Variants in INTS2 observed in about 807,000 individuals in gnomAD.
INTS2 encodes integrator complex subunit 2.
Under a neutral mutation model 139.6 loss-of-function variants are expected in INTS2, and 57 were observed. The ratio of observed to expected loss-of-function variants is 0.41; its 90% CI spans 0.33 to 0.51. INTS2 has a LOEUF of 0.51. Ranked by LOEUF, INTS2 falls within the 20% of genes least tolerant of loss-of-function variation. INTS2 has a pLI of 0.28. For missense variants in INTS2, 1,196 were observed against 1,436.7 expected (o/e 0.83, Z 2.71); for synonymous variants, 473 against 493.4 (o/e 0.96, Z 0.55).
At chr17:61,896,956 T>G (rs192772424) in intron 11 of INTS2, among the ~76,000 whole-genome samples, 12 of 152,288 alleles carry the variant, frequency 7.9e-5, no homozygotes, top group Admixed American at 7.8e-4. Context: ...AAGAGATACA[T>G]GTGGGTGCCT....
chr17:61,911,695 T>C lies in INTS2; in HGVS notation c.781-2A>G. On this transcript the variant is annotated splice_acceptor_variant, in intron 6 of 24. Coordinates refer to ENST00000251334, the MANE Select transcript of INTS2 (RefSeq NM_001351695.2). LOFTEE classifies it high-confidence loss of function. ...GCCTGGCAAGTGACATTCTTCCACCTAGCACAGAAAAGAAAACAAACTGAA... is the reference window on the plus strand; with the variant it reads ...GCCTGGCAAGTGACATTCTTCCACCCAGCACAGAAAAGAAAACAAACTGAA... The C allele has an allele frequency of 6.2e-7, 1 of 1,609,782 alleles. No individual in the cohort carries two copies. The highest frequency in any genetic ancestry group is 8.5e-7 in the Non-Finnish European group (1 of 1,178,014).
chr17:61,889,627 T>C (rs2145924991), intron 15 of INTS2, among the ~76,000 whole-genome samples, 159 bp downstream of exon 15: 1 of 152,322 alleles, frequency 6.6e-6, no homozygotes, highest in East Asian at 1.9e-4. Flanking sequence ...ACATACATGA[T>C]TTATGTATCA....
chr17:61,914,505 C>T (rs2079557891), intron 5 of INTS2, among the ~76,000 whole-genome samples: 1 of 152,100 alleles, frequency 6.6e-6, no homozygotes, highest in African/African-American at 2.4e-5. Context: ...CCAGACCATC[C>T]TGGCTAACAC....
intron 8 of INTS2, among the ~76,000 whole-genome samples, chr17:61,905,962 G>A (rs1212309358): frequency 2.0e-5 from 3 of 152,194 alleles, no homozygotes; most frequent in Non-Finnish European, 4.4e-5. Flanking sequence ...CCCCCAAAGT[G>A]CTGGGATTAC....
chr17:61,926,723 T>C (rs2143201929), intron 1 of INTS2, 61 bp from the exon 2 acceptor site: 1 of 1,361,988 alleles, frequency 7.3e-7, no homozygotes, highest in Non-Finnish European at 1.0e-6. Context: ...AACACCCAAC[T>C]TTCTAAAAAC....
rs75617219 is a variant in INTS2 at position 61,871,819 on chromosome 17, A to G, written c.2778+446T>C. Among the ~76,000 whole-genome samples the G allele has an allele frequency of 2.2e-4, 34 of 152,242 alleles. No individual in the cohort carries two copies. The highest frequency in any genetic ancestry group is 3.4e-3 in the Middle Eastern group (1 of 294). ...TGTGGTGGCATGTGCCTGTAGTCCC[A>G]GCTACTCAGGAGGCTGAGGCAGGAG... On this transcript the variant is annotated intron_variant, in intron 20 of 24. Coordinates refer to ENST00000251334, the MANE Select transcript of INTS2 (RefSeq NM_001351695.2). The surrounding 1 kb of genome is among the most constrained non-coding windows in gnomAD (Gnocchi z 4.9).
rs1161544921 is a variant in INTS2 at position 61,897,106 on chromosome 17, G to A, written c.1494+363C>T. On this transcript the variant is annotated intron_variant, in intron 11 of 24. Transcript: ENST00000251334. This position sits in a 1 kb window ranked among gnomAD's most constrained non-coding sequence, Gnocchi z 4.4. ...CAATGCAGTCATTAAAAATTATACT[G>A]TATTATAATATTTATTGATATGAGT... Among the ~76,000 whole-genome samples the A allele has an allele frequency of 2.0e-5, 3 of 151,966 alleles. No individual in the cohort carries two copies. The highest frequency in any genetic ancestry group is 2.1e-4 in the South Asian group (1 of 4,826).
chr17:61,926,922 G>A (rs532148008), intron 1 of INTS2, among the ~76,000 whole-genome samples: 6 of 152,200 alleles, frequency 3.9e-5, no homozygotes, highest in African/African-American at 1.2e-4. Context: ...TACAAAGAAG[G>A]AATATGAAGC....
At position 61,922,443 on chromosome 17, in the gene INTS2, G is replaced by C. The variant is rs180745532; in HGVS notation, c.433-616C>G. 7.2e-4 allele frequency among the ~76,000 whole-genome samples: 99 copies of C among 138,420 alleles called. 1 individual carries two copies. The highest frequency in any genetic ancestry group is 2.6e-3 in the African/African-American group (95 of 35,880). The allele number at this position is 138,420 out of a possible 152,430, so 90.8% of individuals were successfully genotyped here. A position where few individuals can be genotyped will look rare whatever the true frequency, so the allele number is the denominator to read the frequency against. The stretch of plus-strand genomic sequence containing the variant: ...AGATAGCACCACTGCACTCCACACT[G>C]GGAGACAGAATGAGACTCCGTCTCA... On this transcript the variant is annotated intron_variant, in intron 3 of 24. Transcript: ENST00000251334.
rs8075585 is a variant in INTS2 at position 61,872,126 on chromosome 17, T to C, written c.2778+139A>G. ...CTCAGAAGCAAAGGTAACATCATTGTAATAGATTCTATAATAAAAGAAATG... is the reference window on the plus strand; with the variant it reads ...CTCAGAAGCAAAGGTAACATCATTGCAATAGATTCTATAATAAAAGAAATG... On this transcript the variant is annotated intron_variant, in intron 20 of 24. Transcript: ENST00000251334. This position sits in a 1 kb window ranked among gnomAD's most constrained non-coding sequence, Gnocchi z 4.8. 3.4e-5 allele frequency: 17 copies of C among 495,612 alleles called. No homozygotes were observed. Among genetic ancestry groups the C allele is most frequent in the Admixed American group, 1.6e-4 (5 of 30,910 alleles). The allele number at this position is 495,612 out of a possible 1,614,324, so 30.7% of individuals were successfully genotyped here. A position where few individuals can be genotyped will look rare whatever the true frequency, so the allele number is the denominator to read the frequency against.
At chr17:61,925,692 G>C (rs2079704179) in intron 2 of INTS2, among the ~76,000 whole-genome samples, 1 of 152,058 alleles carries the variant, frequency 6.6e-6, no homozygotes, top group African/African-American at 2.4e-5. Context: ...GAAGGACATA[G>C]CACCTGCCCA....
intron 9 of INTS2, among the ~76,000 whole-genome samples, chr17:61,901,286 G>C (rs903453664): frequency 2.7e-5 from 4 of 150,700 alleles, no homozygotes; most frequent in African/African-American, 9.7e-5. Flanking sequence ...TAAATAAATA[G>C]AAATTTAAAA....
chr17:61,921,843 A>AC lies in INTS2; in HGVS notation c.433-17_433-16insG. On this transcript the variant is annotated splice_polypyrimidine_tract_variant and intron_variant, in intron 3 of 24. Coordinates refer to ENST00000251334, the MANE Select transcript of INTS2 (RefSeq NM_001351695.2). Reference sequence around the variant, plus strand: ...ACTCAGACACCTTAAAAAAGAAAAAAAAAAGATATAAACTCTATTAATTTC... The same window carrying AC: ...ACTCAGACACCTTAAAAAAGAAAAAACAAAAGATATAAACTCTATTAATTTC... 7.9e-7 allele frequency: 1 copy of AC among 1,269,358 alleles called. No individual in the cohort carries two copies. The highest frequency in any genetic ancestry group is 1.1e-6 in the Non-Finnish European group (1 of 894,058). 78.6% of individuals were successfully genotyped at this position (1,269,358 alleles called of 1,614,324 possible).
intron 5 of INTS2, among the ~76,000 whole-genome samples, chr17:61,914,860 C>T (rs541588678): frequency 4.1e-5 from 6 of 147,862 alleles, no homozygotes; most frequent in African/African-American, 1.5e-4. Flanking sequence ...CGTGACAGAG[C>T]GAGACACTAT....
At chr17:61,904,711 A>C (rs2079443249) in intron 8 of INTS2, 126 bp from the exon 9 acceptor site, 3 of 815,962 alleles carry the variant, frequency 3.7e-6, no homozygotes, top group Non-Finnish European at 3.7e-6. Context: ...TAAAATCTTT[A>C]ACATCTCAAG....
chr17:61,908,741 T>C (rs1367612893), intron 7 of INTS2, among the ~76,000 whole-genome samples: 1 of 152,154 alleles, frequency 6.6e-6, no homozygotes, highest in Non-Finnish European at 1.5e-5. Context: ...GCATGCCAAG[T>C]GCTTAAGGCA....
At chr17:61,906,918 C>A in intron 8 of INTS2, among the ~76,000 whole-genome samples, 1 of 118,668 alleles carries the variant, frequency 8.4e-6, no homozygotes, top group Admixed American at 1.1e-4. Context: ...GAGCCGAGAT[C>A]ACACCACTGC....
At position 61,872,100 on chromosome 17, in the gene INTS2, A is replaced by G; in HGVS notation, c.2778+165T>C. ...ATTTCAGAAATACAACATATCTGAT[A>G]CTCAGAAGCAAAGGTAACATCATTG... On this transcript the variant is annotated intron_variant, in intron 20 of 24. Transcript: ENST00000251334. This position sits in a 1 kb window ranked among gnomAD's most constrained non-coding sequence, Gnocchi z 4.8. The G allele has an allele frequency of 2.2e-6, 1 of 450,706 alleles. No individual in the cohort carries two copies. The allele number at this position is 450,706 out of a possible 1,614,324, so 27.9% of individuals were successfully genotyped here. A position where few individuals can be genotyped will look rare whatever the true frequency, so the allele number is the denominator to read the frequency against.
At position 61,870,813 on chromosome 17, in the gene INTS2, T is replaced by C. The variant is rs111810505; in HGVS notation, c.2779-825A>G. Among the ~76,000 whole-genome samples, 516 of 152,256 alleles carry C rather than the reference T, an allele frequency of 3.4e-3. 4 individuals carry two copies. The highest frequency in any genetic ancestry group is 5.9e-3 in the Non-Finnish European group (401 of 68,022). ...TATTGTTATTGTTATTGTTTTGTTT[T>C]CTTTTGTTGTTGTTGACTCAGGAGC... is the stretch of plus-strand genomic sequence containing the variant. On this transcript the variant is annotated intron_variant, in intron 20 of 24. Transcript: ENST00000251334. The surrounding 1 kb of genome is among the most constrained non-coding windows in gnomAD (Gnocchi z 4.4).
Sources: allele counts gnomAD v4.1 joint callset (sites outside exome capture counted in the v4.1 genomes callset), GRCh38; gene constraint gnomAD v4.1.1; non-coding constraint Gnocchi (gnomAD v3.1); transcripts MANE v1.5; gene names NCBI Gene and HGNC (gene_info 2026-07-23, HGNC 2026-07-21).